The following BABAM2 variants were observed in gnomAD, a reference collection of about 807,000 sequenced individuals.
BABAM2 encodes BRISC and BRCA1 A complex member 2.
In BABAM2, 31 loss-of-function variants were observed where a neutral mutation model predicts 54.7. That is an observed-to-expected ratio of 0.57 (90% CI 0.43 to 0.77). The LOEUF (loss-of-function observed/expected upper bound fraction) is 0.77. Among genes scored for constraint, BABAM2 ranks in the 30% least tolerant of loss-of-function variants. The probability of loss-of-function intolerance (pLI) is 0.00; values close to 1 mark genes in which losing one functional copy is unlikely to be tolerated. For missense variants in BABAM2, 364 were observed against 455.8 expected (o/e 0.80, Z 1.83); for synonymous variants, 167 against 162.9 (o/e 1.03, Z -0.19).
chr2:27,907,673 A>G (rs111728979), intron 2 of BABAM2, among the ~76,000 whole-genome samples: 355 of 152,234 alleles, frequency 2.3e-3, no homozygotes, highest in African/African-American at 8.0e-3. Flanking sequence ...ATTAAACAAC[A>G]ACTTCCATTT....
rs62140425 is a variant in BABAM2, at chr2:28,046,985, C to A, written c.570+1186C>A. On this transcript the variant is annotated intron_variant, in intron 6 of 11. Transcript: ENST00000379624. ...GTCTCAGTGGTCCTCCCACCTCACC[C>A]TCCCAAAATGTTGGGATTATAGGTG... Among the ~76,000 whole-genome samples, 1,081 of 152,154 alleles carry A rather than the reference C, an allele frequency of 7.1e-3. 2 individuals carry two copies. The highest frequency in any genetic ancestry group is 0.012 in the Non-Finnish European group (828 of 68,006).
intron 7 of BABAM2, among the ~76,000 whole-genome samples, chr2:28,180,321 A>T (rs1211803243): frequency 6.6e-6 from 1 of 152,190 alleles, no homozygotes; most frequent in Non-Finnish European, 1.5e-5. Flanking sequence ...TTGTATTTAC[A>T]GCCAACTGGT....
At chr2:28,017,657 A>G (rs1674938845) in intron 4 of BABAM2, among the ~76,000 whole-genome samples, 1 of 152,224 alleles carries the variant, frequency 6.6e-6, no homozygotes, top group Non-Finnish European at 1.5e-5. Context: ...GAAACTGTGT[A>G]TGCATTAGCA....
intron 3 of BABAM2, among the ~76,000 whole-genome samples, chr2:27,959,988 T>C (rs1670355970): frequency 6.6e-6 from 1 of 152,182 alleles, no homozygotes; most frequent in South Asian, 2.1e-4. Flanking sequence ...TCTGATTGCT[T>C]CATCCTAATT....
At chr2:27,929,956 G>A in intron 3 of BABAM2, 48 bp downstream of exon 3, 1 of 1,527,176 alleles carries the variant, frequency 6.5e-7, no homozygotes, top group African/African-American at 1.4e-5. Flanking sequence ...TACAGTGTCA[G>A]CTATTGGACT....
At chr2:28,241,756 G>A (rs1682456818) in intron 9 of BABAM2, among the ~76,000 whole-genome samples, 1 of 151,678 alleles carries the variant, frequency 6.6e-6, no homozygotes, top group African/African-American at 2.4e-5. Context: ...GCCTCCCAAA[G>A]TGCTGGGATT....
intron 7 of BABAM2, among the ~76,000 whole-genome samples, chr2:28,202,145 C>T (rs1183116962): frequency 6.6e-6 from 1 of 152,152 alleles, no homozygotes; most frequent in Non-Finnish European, 1.5e-5. Flanking sequence ...AGATGGAAAA[C>T]CACTACTGGG....
chr2:27,976,309 C>T (rs1365017976), intron 3 of BABAM2, among the ~76,000 whole-genome samples: 6 of 152,050 alleles, frequency 3.9e-5, no homozygotes, highest in Non-Finnish European at 7.4e-5. Flanking sequence ...ACCTACATGT[C>T]TTTCATTGGG....
chr2:28,007,168 A>G (rs1217125811), intron 4 of BABAM2, among the ~76,000 whole-genome samples: 1 of 152,002 alleles, frequency 6.6e-6, no homozygotes, highest in Non-Finnish European at 1.5e-5. Context: ...GTTTGTTACC[A>G]GAGAATTTTC....
chr2:28,235,276 A>G (rs1312144019), intron 7 of BABAM2, among the ~76,000 whole-genome samples: 12 of 151,854 alleles, frequency 7.9e-5, no homozygotes, highest in Admixed American at 7.9e-4. Context: ...CCTTGGGTGC[A>G]AGCAATTTTC....
chr2:28,279,715 G>A (rs1686191320), intron 10 of BABAM2, among the ~76,000 whole-genome samples: 1 of 148,202 alleles, frequency 6.7e-6, no homozygotes, highest in African/African-American at 2.5e-5. Flanking sequence ...ACCCAGGCTG[G>A]AGTGCAATGG....
At chr2:27,962,625 G>T (rs1417445433) in intron 3 of BABAM2, among the ~76,000 whole-genome samples, 1 of 152,110 alleles carries the variant, frequency 6.6e-6, no homozygotes, top group Non-Finnish European at 1.5e-5. Context: ...AAACAGAAGG[G>T]ATCAGAAAGA....
chr2:28,288,812 T>C (rs1687035929), intron 10 of BABAM2, among the ~76,000 whole-genome samples: 1 of 152,190 alleles, frequency 6.6e-6, no homozygotes, highest in Non-Finnish European at 1.5e-5. Flanking sequence ...CCCTTCTCCC[T>C]GCGTGACACC....
At chr2:28,263,593 C>T (rs747315469) in intron 10 of BABAM2, among the ~76,000 whole-genome samples, 12 of 152,322 alleles carry the variant, frequency 7.9e-5, no homozygotes, top group Non-Finnish European at 1.3e-4. Context: ...CCATTTTCCT[C>T]GAGTGCCATA....
chr2:28,293,437 G>A (rs1177216289), intron 10 of BABAM2, among the ~76,000 whole-genome samples: 2 of 152,214 alleles, frequency 1.3e-5, no homozygotes, highest in Non-Finnish European at 2.9e-5. Flanking sequence ...AACCTCACCA[G>A]AGTTCACAGA....
chr2:28,330,867 C>G (rs1284701926), intron 11 of BABAM2, among the ~76,000 whole-genome samples: 2 of 152,020 alleles, frequency 1.3e-5, no homozygotes, highest in Non-Finnish European at 2.9e-5. Flanking sequence ...AAAAAAGAGC[C>G]CGTATAGCCA....
chr2:27,951,777 A>T (rs1244375007), intron 3 of BABAM2, among the ~76,000 whole-genome samples: 3 of 152,060 alleles, frequency 2.0e-5, no homozygotes, highest in Non-Finnish European at 4.4e-5. Flanking sequence ...TTTAGTGGTG[A>T]TTTGTGAGAT....
intron 7 of BABAM2, among the ~76,000 whole-genome samples, chr2:28,156,910 T>A (rs911936726): frequency 3.3e-5 from 5 of 152,358 alleles, no homozygotes; most frequent in Admixed American, 1.3e-4. Context: ...TGGGAAAATA[T>A]GATTCACCAT....
chr2:28,052,065 A>G (rs1244161177), intron 6 of BABAM2, among the ~76,000 whole-genome samples: 2 of 152,204 alleles, frequency 1.3e-5, no homozygotes, highest in Non-Finnish European at 2.9e-5. Flanking sequence ...GTGAGAGTAG[A>G]GAGAACACTT....
Sources: gnomAD v4.1 joint callset for allele counts (sites outside exome capture counted in the v4.1 genomes callset) on GRCh38, gnomAD v4.1.1 for gene constraint, MANE v1.5 for transcripts, NCBI Gene and HGNC (gene_info 2026-07-23, HGNC 2026-07-21) for gene names.